The following PTPRD variants were observed in gnomAD, a reference collection of about 807,000 sequenced individuals.
PTPRD encodes the protein protein tyrosine phosphatase receptor type D, also known as receptor-type tyrosine-protein phosphatase delta.
A neutral mutation model predicts 214.5 loss-of-function variants in PTPRD; 34 were observed. That is an observed-to-expected ratio of 0.16 (90% CI 0.12 to 0.21). PTPRD has a LOEUF of 0.21. PTPRD is among the 10% of genes least tolerant of loss of function. The pLI is 1.00. For synonymous variants in PTPRD, 1,128 were observed against 845.7 expected, an observed-to-expected ratio of 1.33 and a Z score of -5.79; for missense variants, 2,545 against 2,398.7, an observed-to-expected ratio of 1.06 and a Z score of -1.27.
intron 2 of PTPRD, among the ~76,000 whole-genome samples, chr9:10,516,115 T>A (rs982677474): frequency 2.0e-5 from 3 of 151,994 alleles, no homozygotes; most frequent in African/African-American, 7.2e-5. Flanking sequence ...ATGGGTCATA[T>A]GGTAGCTCTA....
chr9:8,818,639 C>T (rs1370904987), intron 11 of PTPRD, among the ~76,000 whole-genome samples: 2 of 152,182 alleles, frequency 1.3e-5, no homozygotes, highest in Non-Finnish European at 2.9e-5. Flanking sequence ...AAAATCATAC[C>T]TACTGAATTA....
chr9:8,866,060 T>C (rs1374723591), intron 11 of PTPRD, among the ~76,000 whole-genome samples: 1 of 152,178 alleles, frequency 6.6e-6, no homozygotes, highest in Non-Finnish European at 1.5e-5. Flanking sequence ...GAACAGAGCA[T>C]TCATTTGCCT....
intron 11 of PTPRD, among the ~76,000 whole-genome samples, chr9:8,837,928 T>C (rs974312125): frequency 1.3e-5 from 2 of 152,210 alleles, no homozygotes; most frequent in Non-Finnish European, 2.9e-5. Flanking sequence ...AATTAAATTA[T>C]ATGTAATATG....
At chr9:10,445,409 G>A (rs377182644) in intron 2 of PTPRD, among the ~76,000 whole-genome samples, 1 of 151,778 alleles carries the variant, frequency 6.6e-6, no homozygotes, top group Non-Finnish European at 1.5e-5. Flanking sequence ...TCTGCAATAG[G>A]AGCAATGAAG....
chr9:8,490,638 C>T (rs916794417), intron 27 of PTPRD, among the ~76,000 whole-genome samples: 5 of 152,058 alleles, frequency 3.3e-5, no homozygotes, highest in Non-Finnish European at 5.9e-5. Context: ...TATTACAATA[C>T]AGAATAATGG....
At chr9:8,447,896 T>C (rs1346917972) in intron 34 of PTPRD, among the ~76,000 whole-genome samples, 2 of 152,274 alleles carry the variant, frequency 1.3e-5, no homozygotes, top group East Asian at 1.9e-4. Flanking sequence ...TTCCACAACA[T>C]GTTGCTCTTT....
At position 8,317,028 on chromosome 9, in the gene PTPRD, AAAAAC is replaced by A. The variant is rs756686260; in HGVS notation, c.*841_*845del. On this transcript the variant is annotated 3_prime_UTR_variant, in exon 46 of 46. Transcript: ENST00000381196. The stretch of plus-strand genomic sequence containing the variant: ...TACTTTGCGCCTCCCTGTTGATTCC[AAAAAC>A]AAAACAAAATAATAATTATCTTTGA... The A allele has an allele frequency of 4.3e-5, 10 of 231,180 alleles. No individual in the cohort carries two copies. Among genetic ancestry groups the A allele is most frequent in the South Asian group, 1.8e-4 (1 of 5,508 alleles). The allele number at this position is 231,180 out of a possible 1,614,324, so 14.3% of individuals were successfully genotyped here. A position where few individuals can be genotyped will look rare whatever the true frequency, so the allele number is the denominator to read the frequency against.
intron 7 of PTPRD, among the ~76,000 whole-genome samples, chr9:9,650,801 G>T (rs904272259): frequency 1.3e-5 from 2 of 151,920 alleles, no homozygotes; most frequent in Admixed American, 6.6e-5. Flanking sequence ...TCTTCAGTAT[G>T]TCATATTTCA....
At chr9:9,643,703 T>C (rs2096051363) in intron 7 of PTPRD, among the ~76,000 whole-genome samples, 1 of 152,200 alleles carries the variant, frequency 6.6e-6, no homozygotes, top group Admixed American at 6.5e-5. Context: ...CCTTTGTCTG[T>C]CATAATGATA....
chr9:10,359,865 C>G (rs982929081), intron 2 of PTPRD, among the ~76,000 whole-genome samples: 1 of 151,960 alleles, frequency 6.6e-6, no homozygotes. Context: ...TAATTATAAC[C>G]CCCATAGAAG....
intron 10 of PTPRD, among the ~76,000 whole-genome samples, chr9:9,156,048 C>G (rs1470741290): frequency 1.3e-5 from 2 of 152,050 alleles, no homozygotes; most frequent in Non-Finnish European, 2.9e-5. Flanking sequence ...TGCTTTCAGC[C>G]TTAGACCTCT....
At chr9:9,805,551 A>G (rs1565401587) in intron 5 of PTPRD, among the ~76,000 whole-genome samples, 1 of 152,206 alleles carries the variant, frequency 6.6e-6, no homozygotes, top group African/African-American at 2.4e-5. Context: ...AAAATAAAAA[A>G]GTAAATTTGA....
intron 10 of PTPRD, among the ~76,000 whole-genome samples, chr9:9,063,538 T>C (rs981433364): frequency 1.3e-5 from 2 of 152,186 alleles, no homozygotes; most frequent in Non-Finnish European, 2.9e-5. Flanking sequence ...TGTAATTTTA[T>C]TTTCATTTTA....
At chr9:8,910,728 A>G (rs1013159519) in intron 11 of PTPRD, among the ~76,000 whole-genome samples, 1 of 152,240 alleles carries the variant, frequency 6.6e-6, no homozygotes, top group African/African-American at 2.4e-5. Context: ...GACTAAGATA[A>G]TCTACTAGAA....
At chr9:9,141,674 C>A (rs1223071441) in intron 10 of PTPRD, among the ~76,000 whole-genome samples, 1 of 150,856 alleles carries the variant, frequency 6.6e-6, no homozygotes, top group Admixed American at 6.6e-5. Flanking sequence ...ATTAAAAAAT[C>A]TGATATAAAT....
chr9:10,491,942 T>A (rs2040409903), intron 2 of PTPRD, among the ~76,000 whole-genome samples: 1 of 152,118 alleles, frequency 6.6e-6, no homozygotes, highest in Non-Finnish European at 1.5e-5. Context: ...CAACTCCCAC[T>A]TATGAGTGAG....
intron 7 of PTPRD, among the ~76,000 whole-genome samples, chr9:9,643,715 C>A (rs1339845049): frequency 2.6e-5 from 4 of 152,090 alleles, no homozygotes; most frequent in Admixed American, 1.3e-4. Context: ...ATAATGATAT[C>A]GCTGGATCAC....
chr9:9,733,464 A>T (rs2098235775), intron 7 of PTPRD, among the ~76,000 whole-genome samples: 1 of 152,174 alleles, frequency 6.6e-6, no homozygotes. Flanking sequence ...CAAATGTGGT[A>T]CTGTTTGGTG....
Position 9,955,647 on chromosome 9 carries a change from C to G in PTPRD, c.-471-17037G>C, listed in dbSNP as rs534513396. ...CACGCCATTCTCCTGCCTCAGCCTC[C>G]CAAGTAGCTGGGACTACAGGTGCCC... On this transcript the variant is annotated intron_variant, in intron 4 of 45. Transcript: ENST00000381196. Among the ~76,000 whole-genome samples the G allele has an allele frequency of 1.4e-4, 22 of 152,024 alleles. No individual in the cohort carries two copies. In the South Asian group the frequency reaches 4.4e-3, roughly 30 times the overall value.
Sources: allele counts gnomAD v4.1 joint callset (sites outside exome capture counted in the v4.1 genomes callset), GRCh38; gene constraint gnomAD v4.1.1; transcripts MANE v1.5; gene names NCBI Gene and HGNC (gene_info 2026-07-23, HGNC 2026-07-21).